Variants in ZNF236 observed in about 807,000 individuals in gnomAD.
ZNF236 encodes regulated by glucose.
A neutral mutation model predicts 191.2 loss-of-function variants in ZNF236; 50 were observed. The ratio of observed to expected loss-of-function variants is 0.26; its 90% CI spans 0.21 to 0.33. The LOEUF (loss-of-function observed/expected upper bound fraction) is 0.33, where lower values mean the gene tolerates loss of function less well. Ranked by LOEUF, ZNF236 falls within the 10% of genes least tolerant of loss-of-function variation. The pLI is 1.00. For missense variants in ZNF236, 1,754 were observed against 2,374.5 expected (o/e 0.74, Z 5.43); for synonymous variants, 907 against 928.8 (o/e 0.98, Z 0.43).
chr18:76,839,216 G>A (rs887139611), intron 1 of ZNF236, among the ~76,000 whole-genome samples: 1 of 152,198 alleles, frequency 6.6e-6, no homozygotes. Flanking sequence ...GTGCACATAC[G>A]TACACATTTC....
At chr18:76,962,363 C>G (rs896688327) in intron 30 of ZNF236, among the ~76,000 whole-genome samples, 1 of 152,046 alleles carries the variant, frequency 6.6e-6, no homozygotes, top group Non-Finnish European at 1.5e-5. Context: ...GATCAGTTGG[C>G]TATAAGTATT....
intron 10 of ZNF236, among the ~76,000 whole-genome samples, chr18:76,895,787 AG>A (rs1450123609): frequency 6.7e-6 from 1 of 148,750 alleles, no homozygotes; most frequent in Non-Finnish European, 1.5e-5. Flanking sequence ...TACTGCACAT[AG>A]TACCCAGCAC....
intron 30 of ZNF236, among the ~76,000 whole-genome samples, chr18:76,965,367 T>G (rs1218927231): frequency 6.6e-6 from 1 of 152,246 alleles, no homozygotes; most frequent in East Asian, 1.9e-4. Context: ...ATAACTAACT[T>G]CCTGAATTCT....
rs1476681023 is a variant in ZNF236 at position 76,899,185 on chromosome 18, T to C, written c.1857T>C (p.Asp619=). 2 of 1,614,132 alleles carry C rather than the reference T, an allele frequency of 1.2e-6. No homozygotes were observed. The highest frequency in any genetic ancestry group is 2.2e-5 in the South Asian group (2 of 91,076). Reference sequence around the variant, plus strand: ...GCAAGACGAATATTCCAGTCCCTGATATTCCTTTGCAGGAACCAATCCTCA... The same window carrying C: ...GCAAGACGAATATTCCAGTCCCTGACATTCCTTTGCAGGAACCAATCCTCA... The part of the protein sequence containing the change: ...RVGKTNIPVP[D]IPLQEPILIT... Residue 619 remains aspartate, a synonymous_variant, in exon 11 of 31, where the codon GAT becomes GAC. Coordinates refer to ENST00000320610, the MANE Select transcript of ZNF236 (RefSeq NM_001306089.2).
At chr18:76,871,188 G>T (rs1422853423) in intron 4 of ZNF236, among the ~76,000 whole-genome samples, 1 of 152,214 alleles carries the variant, frequency 6.6e-6, no homozygotes, top group African/African-American at 2.4e-5. Context: ...AAAGGAGCAG[G>T]TTGGGAATCA....
At chr18:76,870,674 G>A (rs913190576) in intron 4 of ZNF236, among the ~76,000 whole-genome samples, 4 of 152,156 alleles carry the variant, frequency 2.6e-5, no homozygotes, top group African/African-American at 4.8e-5. Context: ...GCTGTTGTGC[G>A]TGGGCCTTTC....
intron 1 of ZNF236, among the ~76,000 whole-genome samples, chr18:76,843,803 A>AAAAAAGAAG (rs71172383): frequency 4.8e-5 from 3 of 62,080 alleles, no homozygotes; most frequent in South Asian, 1.3e-3. Context: ...AAAAAAAAAA[A>AAAAAAGAAG]AAGTAAAGAA....
At chr18:76,850,135 C>T (rs1975815623) in intron 2 of ZNF236, among the ~76,000 whole-genome samples, 1 of 152,106 alleles carries the variant, frequency 6.6e-6, no homozygotes, top group Non-Finnish European at 1.5e-5. Context: ...TTTTGCAGTA[C>T]CTCTTGTGGG....
At chr18:76,873,335 G>GAC (rs1362627921) in intron 5 of ZNF236, among the ~76,000 whole-genome samples, 2 of 152,210 alleles carry the variant, frequency 1.3e-5, no homozygotes, top group Admixed American at 1.3e-4. Context: ...CTCCTAGAGA[G>GAC]ACACATGCGT....
intron 20 of ZNF236, among the ~76,000 whole-genome samples, chr18:76,920,654 G>T (rs1967508092): frequency 6.6e-6 from 1 of 152,152 alleles, no homozygotes; most frequent in Non-Finnish European, 1.5e-5. Flanking sequence ...ATTGAGGAAG[G>T]CAGGGCTCTA....
At chr18:76,858,628 A>C (rs1041788600) in intron 3 of ZNF236, among the ~76,000 whole-genome samples, 6 of 152,038 alleles carry the variant, frequency 3.9e-5, no homozygotes, top group African/African-American at 1.4e-4. Context: ...AAGAGGGCTC[A>C]GGTGGAGGCG....
intron 11 of ZNF236, among the ~76,000 whole-genome samples, chr18:76,901,619 G>T (rs1412687517): frequency 6.6e-6 from 1 of 152,056 alleles, no homozygotes; most frequent in African/African-American, 2.4e-5. Context: ...TTAGCCGGGC[G>T]TGGTGGCAGG....
chr18:76,852,246 A>G (rs1460616621), intron 3 of ZNF236, among the ~76,000 whole-genome samples: 2 of 152,204 alleles, frequency 1.3e-5, no homozygotes, highest in Non-Finnish European at 2.9e-5. Context: ...AGAAACTAAC[A>G]TTTATACGAT....
Position 76,972,628 on chromosome 18 carries a change from TGAA to T in ZNF236, c.*4292_*4294del, listed in dbSNP as rs1968923688. Among the ~76,000 whole-genome samples the T allele has an allele frequency of 6.6e-6, 1 of 152,260 alleles. No individual in the cohort carries two copies. The highest frequency in any genetic ancestry group is 6.5e-5 in the Admixed American group (1 of 15,290). On this transcript the variant is annotated 3_prime_UTR_variant, in exon 31 of 31. Transcript: ENST00000320610. ...CTTTTATGTGTAACACTTTACAGCATGAAGACGTATTCTATCAATATTTGTATC... is the reference window on the plus strand; with the variant it reads ...CTTTTATGTGTAACACTTTACAGCATGACGTATTCTATCAATATTTGTATC...
Position 76,908,476 on chromosome 18 carries a change from C to T in ZNF236, c.2454C>T (p.Pro818=), listed in dbSNP as rs3752079. The change falls in exon 14 of 31, where the codon CCC becomes CCT. Residue 818 remains proline, a synonymous_variant. Transcript: ENST00000320610. ...PQTAEVVAAN[P]EAMLDLEPQH... ...CGGCAGAGGTGGTCGCAGCGAACCC[C>T]GAGGCCATGCTGGACCTGGAGCCTC... The T allele has an allele frequency of 9.9e-4, 1,604 of 1,614,152 alleles. 41 individuals are homozygous for T. The East Asian group carries it at 0.034, about 34-fold the overall frequency.
At position 76,927,601 on chromosome 18, in the gene ZNF236, A is replaced by G. The variant is rs1280453608; in HGVS notation, c.4414+84A>G. The G allele has an allele frequency of 1.3e-6, 2 of 1,499,520 alleles. No homozygotes were observed. The highest frequency in any genetic ancestry group is 1.8e-6 in the Non-Finnish European group (2 of 1,120,190). 92.9% of individuals were successfully genotyped at this position (1,499,520 alleles called of 1,614,324 possible). ...ATTACATATTTGAATTTAGGATGTTATGATGTCATTTTCTTCTCTTTGTAG... is the reference window on the plus strand; with the variant it reads ...ATTACATATTTGAATTTAGGATGTTGTGATGTCATTTTCTTCTCTTTGTAG... On this transcript the variant is annotated intron_variant, in intron 24 of 30. Transcript: ENST00000320610. This position sits in a 1 kb window ranked among gnomAD's most constrained non-coding sequence, Gnocchi z 5.4.
At chr18:76,876,211 C>T (rs926273971) in intron 6 of ZNF236, among the ~76,000 whole-genome samples, 1 of 150,940 alleles carries the variant, frequency 6.6e-6, no homozygotes, top group African/African-American at 2.4e-5. Context: ...ATGTGTAGAT[C>T]CTGCAAGTAT....
intron 25 of ZNF236, among the ~76,000 whole-genome samples, chr18:76,934,838 TTTAAA>T (rs1967953918): frequency 6.6e-6 from 1 of 152,222 alleles, no homozygotes; most frequent in Non-Finnish European, 1.5e-5. Context: ...TATCATATCT[TTTAAA>T]TTATTTTTAG....
chr18:76,854,102 C>T (rs1036661487), intron 3 of ZNF236, among the ~76,000 whole-genome samples: 2 of 151,710 alleles, frequency 1.3e-5, no homozygotes, highest in East Asian at 1.9e-4. Context: ...TGTGAGATAA[C>T]GCATGCAAAA....
Sources: gnomAD v4.1 joint callset for allele counts (sites outside exome capture counted in the v4.1 genomes callset) on GRCh38, gnomAD v4.1.1 for gene constraint, Gnocchi (gnomAD v3.1) non-coding constraint, MANE v1.5 for transcripts, NCBI Gene and HGNC (gene_info 2026-07-23, HGNC 2026-07-21) for gene names.